The following CAMSAP1 variants were observed in gnomAD, a reference collection of about 807,000 sequenced individuals.
CAMSAP1 encodes calmodulin regulated spectrin associated protein 1.
A neutral mutation model predicts 143.5 loss-of-function variants in CAMSAP1; 58 were observed. The observed-to-expected ratio is 0.40, with a 90% CI of 0.33 to 0.50. The LOEUF is 0.50. CAMSAP1 is among the 20% of genes least tolerant of loss of function. CAMSAP1 has a pLI of 0.45. For missense variants in CAMSAP1, 1,969 were observed against 2,115.7 expected, an observed-to-expected ratio of 0.93 and a Z score of 1.36; for synonymous variants, 945 against 859.3, an observed-to-expected ratio of 1.10 and a Z score of -1.74.
rs1265362915 is a variant in CAMSAP1 at position 135,822,640 on chromosome 9, G to A, written c.2021C>T (p.Thr674Ile). ...PTETGPLSVE[T>I]AGEVCGGPLA... ...AGGCCCACCACAGACCTCTCCTGCGGTTTCCACTGACAGTGGTCCTGTCTC... is the reference window on the plus strand; with the variant it reads ...AGGCCCACCACAGACCTCTCCTGCGATTTCCACTGACAGTGGTCCTGTCTC... Residue 674 changes from threonine (T) to isoleucine (I), a missense_variant, in exon 11 of 17, where the codon ACC becomes ATC. Around this residue, in one of 4 missense-constraint regions of CAMSAP1, gnomAD observed 1,390 missense variants for 1,420.8 expected, o/e 0.98. Coordinates refer to ENST00000389532, the MANE Select transcript of CAMSAP1 (RefSeq NM_015447.4). This position sits in a 1 kb window ranked among gnomAD's most constrained non-coding sequence, Gnocchi z 6.1. The A allele has an allele frequency of 1.9e-6, 3 of 1,610,916 alleles. 1 individual carries two copies. The highest frequency in any genetic ancestry group is 2.2e-5 in the East Asian group (1 of 44,800).
intron 3 of CAMSAP1, among the ~76,000 whole-genome samples, chr9:135,879,934 A>G (rs1172248280): frequency 6.6e-6 from 1 of 151,950 alleles, no homozygotes; most frequent in Non-Finnish European, 1.5e-5. Flanking sequence ...CAGAAAGCAC[A>G]GTAGGCTCCC....
At chr9:135,850,298 G>T (rs1294467189) in intron 6 of CAMSAP1, 24 bp downstream of exon 6, 1 of 1,610,330 alleles carries the variant, frequency 6.2e-7, no homozygotes, top group East Asian at 2.2e-5. Context: ...TTTTAAAACT[G>T]CATGCCAAAT....
rs1835336331 is a variant in CAMSAP1, at chr9:135,818,834, C to T, written c.3959+176G>A. ...TCCCTGGCCACCGGCAACGCACGTC[C>T]TCACTGAAGATCAGCAGGGGCCGTG... is the stretch of plus-strand genomic sequence containing the variant. On this transcript the variant is annotated intron_variant, in intron 12 of 16. Coordinates refer to ENST00000389532, the MANE Select transcript of CAMSAP1 (RefSeq NM_015447.4). This position sits in a 1 kb window ranked among gnomAD's most constrained non-coding sequence, Gnocchi z 7.7. Among the ~76,000 whole-genome samples, 1 of 152,134 alleles carries T rather than the reference C, an allele frequency of 6.6e-6. No homozygotes were observed. Among genetic ancestry groups the T allele is most frequent in the African/African-American group, 2.4e-5 (1 of 41,428 alleles).
At chr9:135,815,783 T>C (rs1835208038) in intron 15 of CAMSAP1, 107 bp downstream of exon 15, 1 of 912,230 alleles carries the variant, frequency 1.1e-6, no homozygotes, top group African/African-American at 1.7e-5. Flanking sequence ...AACATCTTTG[T>C]TAGAAAAATA....
At chr9:135,813,649 T>G (rs941987269) in intron 16 of CAMSAP1, among the ~76,000 whole-genome samples, 31 of 152,332 alleles carry the variant, frequency 2.0e-4, no homozygotes, top group African/African-American at 7.2e-4. Flanking sequence ...AAGGCCTGCC[T>G]GCTGGGCGGC....
intron 7 of CAMSAP1, among the ~76,000 whole-genome samples, chr9:135,847,191 A>G (rs541116845): frequency 1.3e-5 from 2 of 151,646 alleles, no homozygotes; most frequent in South Asian, 4.2e-4. Flanking sequence ...ACTAAAAAAA[A>G]AAAATACAAA....
intron 4 of CAMSAP1, among the ~76,000 whole-genome samples, chr9:135,863,148 C>T (rs1837257445): frequency 6.6e-6 from 1 of 152,184 alleles, no homozygotes; most frequent in Non-Finnish European, 1.5e-5. Flanking sequence ...ACAACCACCA[C>T]CACTCTATTA....
chr9:135,906,775 C>G (rs1838793499), intron 1 of CAMSAP1, among the ~76,000 whole-genome samples: 1 of 152,006 alleles, frequency 6.6e-6, no homozygotes, highest in Non-Finnish European at 1.5e-5. Context: ...CCGACCCACG[C>G]CGCCCTCCGC....
At position 135,822,391 on chromosome 9, in the gene CAMSAP1, T is replaced by C. The variant is rs1252499608; in HGVS notation, c.2270A>G (p.His757Arg). 2 of 1,613,902 alleles carry C rather than the reference T, an allele frequency of 1.2e-6. No homozygotes were observed. The highest frequency in any genetic ancestry group is 4.5e-5 in the East Asian group (2 of 44,896). ...EAEHDFMGEA[H>R]PVVFSRYIGE... ...AATGTATCTGCTGAAAACCACAGGA[T>C]GGGCCTCACCCATGAAATCGTGCTC... The change falls in exon 11 of 17, where the codon CAT (histidine) becomes CGT (arginine). Residue 757 changes from histidine (H) to arginine (R), a missense_variant. By Grantham distance (29) the His-to-Arg change is conservative. This residue lies in a region of CAMSAP1 where 1,390 missense variants were observed against 1,420.8 expected (regional missense o/e 0.98). Coordinates refer to ENST00000389532, the MANE Select transcript of CAMSAP1 (RefSeq NM_015447.4). This position sits in a 1 kb window ranked among gnomAD's most constrained non-coding sequence, Gnocchi z 6.1.
Position 135,811,377 on chromosome 9 carries a change from T to A in CAMSAP1, c.4741A>T (p.Thr1581Ser). 1 of 1,613,020 alleles carries A rather than the reference T, an allele frequency of 6.2e-7. No homozygotes were observed. The highest frequency in any genetic ancestry group is 8.5e-7 in the Non-Finnish European group (1 of 1,179,492). ...KTMSVSVDALTIHNHLWQPKR... is the reference protein window; with the variant it reads ...KTMSVSVDALSIHNHLWQPKR... ...GGCTGCCACAGGTGGTTGTGGATTG[T>A]GAGTGCGTCCACACTGACAGACATG... is the stretch of plus-strand genomic sequence containing the variant. Residue 1581 changes from threonine to serine, a missense_variant, in exon 17 of 17, where the codon ACA becomes TCA. This residue lies in a region of CAMSAP1 where 143 missense variants were observed against 200.6 expected (regional missense o/e 0.71). Transcript: ENST00000389532. This position sits in a 1 kb window ranked among gnomAD's most constrained non-coding sequence, Gnocchi z 4.9.
At position 135,849,968 on chromosome 9, in the gene CAMSAP1, A is replaced by C. The variant is rs939014912; in HGVS notation, c.1045+169T>G. On this transcript the variant is annotated intron_variant, in intron 7 of 16. Transcript: ENST00000389532. Reference sequence around the variant, plus strand: ...CGTAACCGAATAGTTCATCAAAATCACTTAGAAAGCCTTTCCCCAAACTCT... The same window carrying C: ...CGTAACCGAATAGTTCATCAAAATCCCTTAGAAAGCCTTTCCCCAAACTCT... 22 of 522,000 alleles carry C rather than the reference A, an allele frequency of 4.2e-5. 1 individual carries two copies. In the South Asian group the frequency reaches 5.8e-4, roughly 14 times the overall value. The allele number at this position is 522,000 out of a possible 1,614,324, so 32.3% of individuals were successfully genotyped here. A position where few individuals can be genotyped will look rare whatever the true frequency, so the allele number is the denominator to read the frequency against.
chr9:135,863,436 T>C (rs773345154), intron 4 of CAMSAP1, among the ~76,000 whole-genome samples: 31 of 152,332 alleles, frequency 2.0e-4, no homozygotes, highest in Middle Eastern at 3.4e-3. Flanking sequence ...CTTTAAAATA[T>C]GGCATTTCTT....
At chr9:135,837,418 CA>C (rs1836107698) in intron 7 of CAMSAP1, among the ~76,000 whole-genome samples, 1 of 149,098 alleles carries the variant, frequency 6.7e-6, no homozygotes, top group Non-Finnish European at 1.5e-5. Flanking sequence ...CACACGTCAT[CA>C]CGCGCTTTCT....
chr9:135,855,539 G>A (rs1836926215), intron 5 of CAMSAP1, among the ~76,000 whole-genome samples: 1 of 151,392 alleles, frequency 6.6e-6, no homozygotes, highest in East Asian at 2.0e-4. Flanking sequence ...AGGAGTTCGA[G>A]ACCAGCCTGG....
intron 7 of CAMSAP1, among the ~76,000 whole-genome samples, chr9:135,829,286 C>G (rs1227392522): frequency 6.6e-6 from 1 of 150,618 alleles, no homozygotes; most frequent in Non-Finnish European, 1.5e-5. Flanking sequence ...AAGACCACTT[C>G]AGCTCAGGAG....
chr9:135,858,375 C>T (rs1345570550), intron 5 of CAMSAP1, among the ~76,000 whole-genome samples: 2 of 152,104 alleles, frequency 1.3e-5, no homozygotes, highest in African/African-American at 4.8e-5. Flanking sequence ...CAAATACCTA[C>T]TCAACACCAA....
chr9:135,895,935 G>A (rs1162361953), intron 1 of CAMSAP1, among the ~76,000 whole-genome samples: 1 of 151,992 alleles, frequency 6.6e-6, no homozygotes, highest in Non-Finnish European at 1.5e-5. Context: ...CTAAAAAATG[G>A]TCAATTAACC....
In CAMSAP1 at chr9:135,824,044, A is replaced by G. The variant is rs538246739; in HGVS notation, c.1316-10T>C. The G allele has an allele frequency of 6.4e-6, 10 of 1,567,892 alleles. No homozygotes were observed. The highest frequency in any genetic ancestry group is 8.7e-6 in the Non-Finnish European group (10 of 1,154,894). On this transcript the variant is annotated splice_polypyrimidine_tract_variant and intron_variant, in intron 9 of 16. Coordinates refer to ENST00000389532, the MANE Select transcript of CAMSAP1 (RefSeq NM_015447.4). The surrounding 1 kb of genome is among the most constrained non-coding windows in gnomAD (Gnocchi z 4.1). Reference sequence around the variant, plus strand: ...GATCGATGTCGCTGATCTGCAGTACAGAGGAATTAGATAGTGTTAAGTAAC... The same window carrying G: ...GATCGATGTCGCTGATCTGCAGTACGGAGGAATTAGATAGTGTTAAGTAAC...
rs1345827586 is a variant in CAMSAP1, at chr9:135,816,941, G to A, written c.4272-936C>T. On this transcript the variant is annotated intron_variant, in intron 14 of 16. Coordinates refer to ENST00000389532, the MANE Select transcript of CAMSAP1 (RefSeq NM_015447.4). ...GAAGTTACTTTCTCATCACAGGAGC[G>A]GTCCCGGGGCCCACCTGAGAGGCTG... Among the ~76,000 whole-genome samples, 18 of 152,312 alleles carry A rather than the reference G, an allele frequency of 1.2e-4. No homozygotes were observed. In the East Asian group the frequency reaches 1.4e-3, roughly 11 times the overall value.
Sources: allele counts gnomAD v4.1 joint callset (sites outside exome capture counted in the v4.1 genomes callset), GRCh38; gene constraint gnomAD v4.1.1; regional missense constraint gnomAD v4.1.1; non-coding constraint Gnocchi (gnomAD v3.1); transcripts MANE v1.5; gene names NCBI Gene and HGNC (gene_info 2026-07-23, HGNC 2026-07-21).